The following PCDHA5 variants were observed in gnomAD, a reference collection of about 807,000 sequenced individuals.
PCDHA5 encodes the protein protocadherin alpha 5, also known as protocadherin alpha-5.
In PCDHA5, 43 loss-of-function variants were observed where a neutral mutation model predicts 61.6. The observed-to-expected ratio is 0.70, with a 90% confidence interval of 0.55 to 0.90. The LOEUF is 0.90. PCDHA5 is among the 40% of genes least tolerant of loss of function. The probability of loss-of-function intolerance (pLI) is 0.00; values close to 1 mark genes in which losing one functional copy is unlikely to be tolerated. For synonymous variants in PCDHA5, 627 were observed against 543.9 expected, an observed-to-expected ratio of 1.15 and a Z score of -2.13; for missense variants, 1,298 against 1,222.7, an observed-to-expected ratio of 1.06 and a Z score of -0.92.
chr5:140,834,385 T>C, intron 1 of PCDHA5: 1 of 1,568,318 alleles, frequency 6.4e-7, no homozygotes, highest in South Asian at 1.2e-5. Flanking sequence ...TAATTTGAAA[T>C]GGTGTGCCCG....
rs1464705038 is a variant in PCDHA5 at position 140,883,214 on chromosome 5, T to C, written c.2352+59087T>C. 4.3e-6 allele frequency: 7 copies of C among 1,613,892 alleles called. No individual in the cohort carries two copies. The highest frequency in any genetic ancestry group is 5.9e-6 in the Non-Finnish European group (7 of 1,180,024). The stretch of plus-strand genomic sequence containing the variant: ...ACTAGATTTCGAAGAAAAGAAATTA[T>C]ATGAAATATCCGTGGAGGCAGTTGA... On this transcript the variant is annotated intron_variant, in intron 1 of 3. Coordinates refer to ENST00000529859, the MANE Select transcript of PCDHA5 (RefSeq NM_018908.3).
intron 3 of PCDHA5, among the ~76,000 whole-genome samples, chr5:140,994,812 A>G (rs565084284): frequency 6.6e-5 from 10 of 152,328 alleles, no homozygotes; most frequent in African/African-American, 2.2e-4. Flanking sequence ...CAAAATACAA[A>G]AAACTGAATT....
At chr5:141,001,997 C>G (rs2098052259) in intron 3 of PCDHA5, among the ~76,000 whole-genome samples, 1 of 152,190 alleles carries the variant, frequency 6.6e-6, no homozygotes, top group Admixed American at 6.5e-5. Context: ...AGTTCACTTG[C>G]AAACACAGAA....
At position 140,869,660 on chromosome 5, in the gene PCDHA5, G is replaced by T. The variant is rs782182212; in HGVS notation, c.2352+45533G>T. On this transcript the variant is annotated intron_variant, in intron 1 of 3. Coordinates refer to ENST00000529859, the MANE Select transcript of PCDHA5 (RefSeq NM_018908.3). ...TTTTCTTTAGATTCACCAACAAATG[G>T]TAAGCAGATTAAAAGACTGTCACTT... is the stretch of plus-strand genomic sequence containing the variant. 7 of 1,613,392 alleles carry T rather than the reference G, an allele frequency of 4.3e-6. No individual in the cohort carries two copies. The Admixed American group carries it at 1.2e-4, about 27-fold the overall frequency.
At chr5:140,942,619 T>A in intron 1 of PCDHA5, among the ~76,000 whole-genome samples, 1 of 148,900 alleles carries the variant, frequency 6.7e-6, no homozygotes. Context: ...TTGCCAATTG[T>A]AAAAAAAAAA....
chr5:140,902,703 T>C (rs1451324920), intron 1 of PCDHA5, among the ~76,000 whole-genome samples: 1 of 152,166 alleles, frequency 6.6e-6, no homozygotes, highest in African/African-American at 2.4e-5. Flanking sequence ...GTCTTTTATC[T>C]TTCACTCCCC....
intron 1 of PCDHA5, chr5:140,877,677 C>T (rs1554169970): frequency 6.2e-7 from 1 of 1,613,678 alleles, no homozygotes. Context: ...GCGCGCCGGG[C>T]AAGCCCACGC....
chr5:140,830,473 T>A (rs2150186969), intron 1 of PCDHA5: 2 of 1,553,368 alleles, frequency 1.3e-6, no homozygotes, highest in African/African-American at 1.4e-5. Flanking sequence ...TAAATGAAGA[T>A]CATGATGCCA....
intron 1 of PCDHA5, chr5:140,843,355 G>T (rs1554139992): frequency 1.9e-6 from 3 of 1,596,010 alleles, no homozygotes; most frequent in Admixed American, 1.7e-5. Context: ...CTCCAAAAGC[G>T]TCATCGAGGC....
At chr5:140,915,626 G>GTCTC (rs57920489) in intron 1 of PCDHA5, among the ~76,000 whole-genome samples, 42,931 of 146,342 alleles carry the variant, frequency 0.29, 6,396 homozygotes, top group East Asian at 0.48. Context: ...GTCTCTTTCT[G>GTCTC]TCTCTCTCTC....
chr5:140,928,149 T>C, intron 1 of PCDHA5: 2 of 1,614,194 alleles, frequency 1.2e-6, no homozygotes, highest in Non-Finnish European at 8.5e-7. Flanking sequence ...CGGCCTCAGA[T>C]AGTGGCTCAC....
rs2150227697 is a variant in PCDHA5 at position 140,834,836 on chromosome 5, G to C, written c.2352+10709G>C. The C allele has an allele frequency of 8.1e-6, 13 of 1,611,678 alleles. No individual in the cohort carries two copies. In the African/African-American group the frequency reaches 9.4e-5, roughly 12 times the overall value. Reference sequence around the variant, plus strand: ...CGGAATCCAGGCCGCTTGACTCTCGGTTTCCACTAGAGGGCGCGTCCGATG... The same window carrying C: ...CGGAATCCAGGCCGCTTGACTCTCGCTTTCCACTAGAGGGCGCGTCCGATG... On this transcript the variant is annotated intron_variant, in intron 1 of 3. Coordinates refer to ENST00000529859, the MANE Select transcript of PCDHA5 (RefSeq NM_018908.3).
Position 140,828,012 on chromosome 5 carries a change from A to G in PCDHA5, c.2352+3885A>G, listed in dbSNP as rs1183696276. On this transcript the variant is annotated intron_variant, in intron 1 of 3. Transcript: ENST00000529859. ...ATGATGGCGGACGCAGAAGAAATGG[A>G]TTAATAAATTCCGGAACATACAGTA... is the stretch of plus-strand genomic sequence containing the variant. 4.0e-6 allele frequency: 6 copies of G among 1,508,934 alleles called. No homozygotes were observed. The East Asian group carries it at 1.4e-4, about 34-fold the overall frequency. The allele number at this position is 1,508,934 out of a possible 1,614,324, so 93.5% of individuals were successfully genotyped here. A position where few individuals can be genotyped will look rare whatever the true frequency, so the allele number is the denominator to read the frequency against.
At chr5:140,891,818 C>T (rs1331998195) in intron 1 of PCDHA5, among the ~76,000 whole-genome samples, 1 of 152,118 alleles carries the variant, frequency 6.6e-6, no homozygotes, top group Non-Finnish European at 1.5e-5. Context: ...AATAAATTAA[C>T]GGCACTGTAA....
intron 1 of PCDHA5, chr5:140,824,336 G>A (rs1288590631): frequency 3.2e-6 from 2 of 628,210 alleles, no homozygotes; most frequent in African/African-American, 1.9e-5. Flanking sequence ...GATATTAAGT[G>A]TTTTTAAAAT....
intron 1 of PCDHA5, chr5:140,841,459 C>A (rs1554138209): frequency 1.9e-6 from 3 of 1,612,886 alleles, no homozygotes; most frequent in African/African-American, 2.7e-5. Context: ...CCTTCGTGGG[C>A]CGGATCGCGC....
At chr5:140,872,580 T>C (rs1554166256) in intron 1 of PCDHA5, among the ~76,000 whole-genome samples, 1 of 152,172 alleles carries the variant, frequency 6.6e-6, no homozygotes, top group Middle Eastern at 3.2e-3. Flanking sequence ...TGACCTATCA[T>C]CGTGAGACCC....
At chr5:140,897,471 G>A (rs1260992963) in intron 1 of PCDHA5, among the ~76,000 whole-genome samples, 3 of 151,810 alleles carry the variant, frequency 2.0e-5, no homozygotes, top group Non-Finnish European at 4.4e-5. Flanking sequence ...AGTTTACTGA[G>A]AATGATGATT....
chr5:140,900,518 C>G (rs1444768233), intron 1 of PCDHA5, among the ~76,000 whole-genome samples: 1 of 152,228 alleles, frequency 6.6e-6, no homozygotes, highest in Admixed American at 6.5e-5. Flanking sequence ...CTCAGGTGAT[C>G]TGCCCACCTC....
Sources: gnomAD v4.1 joint callset for allele counts (sites outside exome capture counted in the v4.1 genomes callset) on GRCh38, gnomAD v4.1.1 for gene constraint, MANE v1.5 for transcripts, NCBI Gene and HGNC (gene_info 2026-07-23, HGNC 2026-07-21) for gene names.